Variants in FAM193A observed in about 807,000 individuals in gnomAD.
FAM193A encodes the protein family with sequence similarity 193 member A, also known as protein FAM193A.
In FAM193A, 22 loss-of-function variants were observed where a neutral mutation model predicts 126.5. The observed-to-expected ratio is 0.17, with a 90% CI of 0.12 to 0.25. The LOEUF (loss-of-function observed/expected upper bound fraction) is 0.25. Ranked by LOEUF, FAM193A falls within the 10% of genes least tolerant of loss-of-function variation. FAM193A has a pLI of 1.00. For synonymous variants in FAM193A, 761 were observed against 646.8 expected, an observed-to-expected ratio of 1.18 and a Z score of -2.68; for missense variants, 1,675 against 1,672.8, an observed-to-expected ratio of 1.00 and a Z score of -0.02.
chr4:2,550,730 C>T (rs1737865826), intron 1 of FAM193A, among the ~76,000 whole-genome samples: 1 of 151,808 alleles, frequency 6.6e-6, no homozygotes, highest in Non-Finnish European at 1.5e-5. Flanking sequence ...GCCACCACGC[C>T]TGTTGGTTGT....
intron 19 of FAM193A, among the ~76,000 whole-genome samples, chr4:2,713,104 C>CA (rs529104464): frequency 0.035 from 2,720 of 77,338 alleles, 66 homozygotes; most frequent in African/African-American, 0.083. Flanking sequence ...GACTCTGCTT[C>CA]AAAAAAAAAA....
At chr4:2,622,732 G>C (rs536646449) in intron 2 of FAM193A, among the ~76,000 whole-genome samples, 7 of 152,140 alleles carry the variant, frequency 4.6e-5, no homozygotes, top group Non-Finnish European at 8.8e-5. Flanking sequence ...CTCTGTCCTC[G>C]TGCGGTGGAA....
intron 19 of FAM193A, among the ~76,000 whole-genome samples, chr4:2,711,013 GGC>G (rs1718902607): frequency 6.6e-6 from 1 of 151,536 alleles, no homozygotes; most frequent in East Asian, 1.9e-4. Flanking sequence ...CACCTCGCCC[GGC>G]TAATTTTTTG....
At chr4:2,563,090 G>A (rs891372413) in intron 1 of FAM193A, among the ~76,000 whole-genome samples, 2 of 151,618 alleles carry the variant, frequency 1.3e-5, no homozygotes, top group Non-Finnish European at 2.9e-5. Context: ...GATTACAGGC[G>A]CCTGCCACCA....
intron 2 of FAM193A, among the ~76,000 whole-genome samples, chr4:2,617,268 T>A (rs202104242): frequency 1.1e-4 from 4 of 36,946 alleles, no homozygotes; most frequent in South Asian, 1.7e-3. Context: ...ATATATTTTT[T>A]TTTTTTTTTT....
chr4:2,677,890 G>A (rs1309066173), intron 13 of FAM193A, among the ~76,000 whole-genome samples: 4 of 152,104 alleles, frequency 2.6e-5, no homozygotes, highest in African/African-American at 9.7e-5. Context: ...GATCACTTTG[G>A]GCAGTATGTA....
At chr4:2,714,886 A>G (rs935533692) in intron 19 of FAM193A, among the ~76,000 whole-genome samples, 2 of 152,142 alleles carry the variant, frequency 1.3e-5, no homozygotes, top group Non-Finnish European at 2.9e-5. Flanking sequence ...GATGAGGCTG[A>G]ATGCTGTGTG....
rs1736926050 is a variant in FAM193A at position 2,537,140 on chromosome 4, G to C, written c.225G>C (p.Ala75=). ...ANGPLGAGAS[A]GGAAPGGYFE... ...GGCCTCTCGGCGCGGGCGCGAGCGCGGGCGGCGCCGCCCCCGGAGGCTACT... is the reference window on the plus strand; with the variant it reads ...GGCCTCTCGGCGCGGGCGCGAGCGCCGGCGGCGCCGCCCCCGGAGGCTACT... The change falls in exon 1 of 21, where the codon GCG becomes GCC. Residue 75 remains alanine, a synonymous_variant. Transcript: ENST00000637812. 1.6e-5 allele frequency: 3 copies of C among 187,262 alleles called. No individual in the cohort carries two copies. Among genetic ancestry groups the C allele is most frequent in the African/African-American group, 7.2e-5 (3 of 41,818 alleles). 11.6% of individuals were successfully genotyped at this position (187,262 alleles called of 1,614,324 possible).
At chr4:2,642,967 G>T (rs1379302219) in intron 6 of FAM193A, among the ~76,000 whole-genome samples, 1 of 151,988 alleles carries the variant, frequency 6.6e-6, no homozygotes, top group Non-Finnish European at 1.5e-5. Flanking sequence ...CTGTGCCCTA[G>T]TTCTGGATTT....
intron 14 of FAM193A, 55 bp downstream of exon 14, chr4:2,689,759 C>T: frequency 7.7e-7 from 1 of 1,301,938 alleles, no homozygotes; most frequent in Non-Finnish European, 1.1e-6. Context: ...AGTAGACTGA[C>T]ATCTTTGCCG....
At chr4:2,728,804 A>G (rs558277006) in intron 20 of FAM193A, among the ~76,000 whole-genome samples, 110 of 152,178 alleles carry the variant, frequency 7.2e-4, no homozygotes, top group Non-Finnish European at 1.3e-3. Context: ...ATACTCAGAA[A>G]GTAAACAGTT....
At chr4:2,679,462 C>G (rs1340156467) in intron 13 of FAM193A, among the ~76,000 whole-genome samples, 1 of 149,356 alleles carries the variant, frequency 6.7e-6, no homozygotes, top group Non-Finnish European at 1.5e-5. Context: ...TCACTGCAAC[C>G]TCTGCCTCCC....
intron 19 of FAM193A, among the ~76,000 whole-genome samples, chr4:2,710,465 G>A (rs1718822040): frequency 6.6e-6 from 1 of 151,286 alleles, no homozygotes; most frequent in African/African-American, 2.4e-5. Flanking sequence ...GAGCCACTGT[G>A]CCTAGCTTAC....
chr4:2,562,557 T>C (rs1738684673), intron 1 of FAM193A, among the ~76,000 whole-genome samples: 1 of 152,136 alleles, frequency 6.6e-6, no homozygotes, highest in East Asian at 1.9e-4. Context: ...AACACATTAC[T>C]ACTTATATTT....
rs908492929 is a variant in FAM193A at position 2,536,909 on chromosome 4, G to A, written c.-7G>A. On this transcript the variant is annotated 5_prime_UTR_variant, in exon 1 of 21. Coordinates refer to ENST00000637812, the MANE Select transcript of FAM193A (RefSeq NM_001366318.2). The stretch of plus-strand genomic sequence containing the variant: ...GCGCCCGCTCTGCGCCCCTCTCCCC[G>A]CCCGCCATGAGCCCAGCCGACGCCA... 1.1e-4 allele frequency: 17 copies of A among 148,120 alleles called. No individual in the cohort carries two copies. The South Asian group carries it at 3.1e-3, about 27-fold the overall frequency. 9.2% of individuals were successfully genotyped at this position (148,120 alleles called of 1,614,324 possible). A position where few individuals can be genotyped will look rare whatever the true frequency, so the allele number is the denominator to read the frequency against.
chr4:2,576,442 A>G (rs1443989404), intron 1 of FAM193A, among the ~76,000 whole-genome samples: 1 of 152,110 alleles, frequency 6.6e-6, no homozygotes, highest in African/African-American at 2.4e-5. Flanking sequence ...GCATGTACCT[A>G]TAGGTCCAGC....
chr4:2,658,528 G>A (rs928081717), intron 8 of FAM193A, among the ~76,000 whole-genome samples: 2 of 151,958 alleles, frequency 1.3e-5, no homozygotes, highest in Non-Finnish European at 2.9e-5. Flanking sequence ...GTGCCACATC[G>A]ACTCTCTTCC....
Position 2,731,858 on chromosome 4 carries a change from C to T in FAM193A, c.4538C>T (p.Ala1513Val). 6.2e-7 allele frequency: 1 copy of T among 1,611,160 alleles called. No individual in the cohort carries two copies. The highest frequency in any genetic ancestry group is 8.5e-7 in the Non-Finnish European group (1 of 1,177,798). The stretch of plus-strand genomic sequence containing the variant: ...TTTAGCTTGAAAAAAGCCACCTTTG[C>T]TGCCCACTGAATGAGGACTCCCTGG... ...SNFSLKKATFAAH is the reference protein window; with the variant it reads ...SNFSLKKATFVAH Residue 1513 changes from alanine (A) to valine (V), a missense_variant, in exon 21 of 21, where the codon GCT becomes GTT. By Grantham distance (64) the Ala-to-Val change is moderately conservative. Transcript: ENST00000637812.
At chr4:2,727,324 G>A (rs1720873607) in intron 20 of FAM193A, among the ~76,000 whole-genome samples, 1 of 152,048 alleles carries the variant, frequency 6.6e-6, no homozygotes, top group Non-Finnish European at 1.5e-5. Context: ...TTCTCTCCCT[G>A]GCCCTCAAGA....
Sources: allele counts gnomAD v4.1 joint callset (sites outside exome capture counted in the v4.1 genomes callset), GRCh38; gene constraint gnomAD v4.1.1; transcripts MANE v1.5; gene names NCBI Gene and HGNC (gene_info 2026-07-23, HGNC 2026-07-21).